Variants in ITIH3 observed in about 807,000 individuals in gnomAD.
The protein encoded by ITIH3 is inter-alpha-trypsin inhibitor heavy chain 3, also known as inter-alpha-trypsin inhibitor heavy chain H3.
ITIH3 carries 81 observed loss-of-function variants against 96.5 expected under a neutral mutation model. The observed-to-expected ratio is 0.84, with a 90% confidence interval of 0.70 to 1.01. ITIH3 has a LOEUF of 1.01. Among genes scored for constraint, ITIH3 ranks in the 50% least tolerant of loss-of-function variants. The pLI is 0.00. For synonymous variants in ITIH3, 422 were observed against 445.2 expected, an observed-to-expected ratio of 0.95 and a Z score of 0.66; for missense variants, 1,057 against 1,139.3, an observed-to-expected ratio of 0.93 and a Z score of 1.04.
Position 52,799,389 on chromosome 3 carries a change from C to A in ITIH3, c.807C>A (p.Phe269Leu). The A allele has an allele frequency of 6.2e-7, 1 of 1,600,396 alleles. No individual in the cohort carries two copies. Among genetic ancestry groups the A allele is most frequent in the Non-Finnish European group, 8.5e-7 (1 of 1,173,530 alleles). Residue 269 changes from phenylalanine to leucine, a missense_variant, in exon 8 of 22, where the codon TTC becomes TTA. Phe to Leu is a conservative substitution (Grantham distance 22). Transcript: ENST00000449956. ...CTTTCCAGATAGTCAATGGCTACTT[C>A]GTGCACTTCTTTGCACCTCAAGGCC... ...PGNVQIVNGYFVHFFAPQGLP... is the reference protein window; with the variant it reads ...PGNVQIVNGYLVHFFAPQGLP...
At chr3:52,799,617 C>T (rs1366033167) in intron 8 of ITIH3, 129 bp downstream of exon 8, 24 of 1,087,020 alleles carry the variant, frequency 2.2e-5, no homozygotes, top group Non-Finnish European at 3.1e-5. Flanking sequence ...AGAAGGCTCA[C>T]GGCCTCTGCC....
intron 2 of ITIH3, chr3:52,795,942 T>G (rs1253377098): frequency 2.7e-6 from 1 of 374,800 alleles, no homozygotes; most frequent in Non-Finnish European, 4.8e-6. Context: ...AGCATCTTTA[T>G]ATCCCTAGGG....
At chr3:52,797,558 CA>C (rs899584477) in intron 5 of ITIH3, among the ~76,000 whole-genome samples, 7 of 152,338 alleles carry the variant, frequency 4.6e-5, no homozygotes, top group African/African-American at 1.7e-4. Flanking sequence ...TTTCCTACCT[CA>C]AAGCTGAAAG....
At chr3:52,804,287 G>T in intron 14 of ITIH3, 1 of 501,442 alleles carries the variant, frequency 2.0e-6, no homozygotes, top group South Asian at 2.6e-5. Flanking sequence ...AAGGACTGAG[G>T]CTGCAGCATG....
At position 52,808,545 on chromosome 3, in the gene ITIH3, T is replaced by C. The variant is rs1559474990; in HGVS notation, c.2544-7T>C. 6.2e-7 allele frequency: 1 copy of C among 1,612,664 alleles called. No individual in the cohort carries two copies. On this transcript the variant is annotated splice_polypyrimidine_tract_variant and splice_region_variant and intron_variant, in intron 21 of 21. Coordinates refer to ENST00000449956, the MANE Select transcript of ITIH3 (RefSeq NM_002217.4). ...CGTGTATTGCAGCATCTCTCTTCTT[T>C]CCCCAGGGGCTCCCAGAAAGACTAC...
chr3:52,801,276 CT>C, intron 11 of ITIH3, 130 bp downstream of exon 11: 1 of 773,770 alleles, frequency 1.3e-6, no homozygotes, highest in Non-Finnish European at 2.0e-6. Flanking sequence ...CTGACTATCT[CT>C]TACCCATCAG....
At chr3:52,800,441 G>A (rs1341334327) in intron 9 of ITIH3, 97 bp from the exon 10 acceptor site, 49 of 1,464,430 alleles carry the variant, frequency 3.3e-5, no homozygotes, top group Non-Finnish European at 3.7e-6. Context: ...TTGGGCACAT[G>A]AGTGGGGCCG....
intron 7 of ITIH3, 78 bp from the exon 8 acceptor site, chr3:52,799,294 C>G: frequency 7.2e-6 from 9 of 1,252,914 alleles, no homozygotes; most frequent in Non-Finnish European, 1.0e-5. Context: ...TGGTAAATGT[C>G]TGGCTTCTAC....
intron 9 of ITIH3, 52 bp downstream of exon 9, chr3:52,799,973 C>T: frequency 6.4e-7 from 1 of 1,551,576 alleles, no homozygotes; most frequent in East Asian, 2.3e-5. Context: ...TCCCTCTGTC[C>T]CTGAGCAGCC....
Position 52,799,054 on chromosome 3 carries a change from C to T in ITIH3, c.752C>T (p.Thr251Ile), listed in dbSNP as rs1311590430. The T allele has an allele frequency of 6.2e-7, 1 of 1,613,558 alleles. No individual in the cohort carries two copies. Among genetic ancestry groups the T allele is most frequent in the Non-Finnish European group, 8.5e-7 (1 of 1,179,688 alleles). ...DSLLNGDFTITYDVNRESPGN... is the reference protein window; with the variant it reads ...DSLLNGDFTIIYDVNRESPGN... ...CTCCTCAATGGAGATTTCACTATCA[C>T]CTATGACGTGAACAGAGAATCTCCT... Residue 251 changes from threonine to isoleucine, a missense_variant, in exon 7 of 22, where the codon ACC (threonine) becomes ATC (isoleucine). Transcript: ENST00000449956.
intron 1 of ITIH3, 150 bp downstream of exon 1, chr3:52,795,046 T>C (rs533963695): frequency 1.5e-6 from 1 of 680,386 alleles, no homozygotes; most frequent in African/African-American, 1.8e-5. Flanking sequence ...AGAACCGGGC[T>C]CCAGCTGAGG....
intron 6 of ITIH3, chr3:52,798,664 A>G (rs1699689453): frequency 5.1e-6 from 2 of 388,894 alleles, no homozygotes; most frequent in Non-Finnish European, 9.5e-6. Context: ...GCCAAGAAAA[A>G]GGGAGCTGGA....
chr3:52,808,290 G>A (rs1700129424), intron 21 of ITIH3, 69 bp downstream of exon 21: 2 of 1,333,944 alleles, frequency 1.5e-6, no homozygotes, highest in Non-Finnish European at 2.1e-6. Context: ...TGCAGCCCAG[G>A]CACATTAGTC....
chr3:52,796,661 T>A lies in ITIH3; in HGVS notation c.281+14T>A. The A allele has an allele frequency of 6.2e-7, 1 of 1,609,470 alleles. No individual in the cohort carries two copies. The highest frequency in any genetic ancestry group is 2.2e-5 in the East Asian group (1 of 44,766). Reference sequence around the variant, plus strand: ...CAACTTCACCTTGTGGGTACCACCATGGCTGCTGGCTCTGGGCTCGGGAAC... The same window carrying A: ...CAACTTCACCTTGTGGGTACCACCAAGGCTGCTGGCTCTGGGCTCGGGAAC... On this transcript the variant is annotated intron_variant, in intron 3 of 21. Coordinates refer to ENST00000449956, the MANE Select transcript of ITIH3 (RefSeq NM_002217.4).
At chr3:52,801,464 TACCAAAGTA>T (rs1303343349) in intron 11 of ITIH3, among the ~76,000 whole-genome samples, 3 of 152,230 alleles carry the variant, frequency 2.0e-5, no homozygotes, top group Non-Finnish European at 2.9e-5. Context: ...GCGGCTGCCA[TACCAAAGTA>T]CCAAGTGGCT....
At chr3:52,798,345 C>T (rs1256533100) in intron 6 of ITIH3, among the ~76,000 whole-genome samples, 1 of 152,196 alleles carries the variant, frequency 6.6e-6, no homozygotes, top group Non-Finnish European at 1.5e-5. Flanking sequence ...CCCAGCTGTT[C>T]CAGGGGCCTT....
chr3:52,803,405 G>A (rs1330904272), intron 13 of ITIH3, among the ~76,000 whole-genome samples: 2 of 150,130 alleles, frequency 1.3e-5, no homozygotes, highest in Non-Finnish European at 3.0e-5. Flanking sequence ...TGCAAGCTCC[G>A]CCTCCCGGGT....
At chr3:52,795,487 G>A in intron 1 of ITIH3, 116 bp from the exon 2 acceptor site, 1 of 1,104,312 alleles carries the variant, frequency 9.1e-7, no homozygotes, top group Non-Finnish European at 1.3e-6. Flanking sequence ...ACTCAGGTGT[G>A]TGGGGGGCAG....
At chr3:52,799,960 G>A in intron 9 of ITIH3, 39 bp downstream of exon 9, 5 of 1,590,934 alleles carry the variant, frequency 3.1e-6, no homozygotes, top group Non-Finnish European at 4.3e-6. Flanking sequence ...TCCTAGCGGT[G>A]CCTCCCTCTG....
Sources: gnomAD v4.1 joint callset for allele counts (sites outside exome capture counted in the v4.1 genomes callset) on GRCh38, gnomAD v4.1.1 for gene constraint, MANE v1.5 for transcripts, NCBI Gene and HGNC (gene_info 2026-07-23, HGNC 2026-07-21) for gene names.